VPS41: variants seen among roughly 807,000 people sequenced by gnomAD.
The protein encoded by VPS41 is VPS41 subunit of HOPS complex, also known as vacuolar protein sorting-associated protein 41 homolog.
VPS41 carries 85 observed loss-of-function variants against 130.9 expected under a neutral mutation model. The observed-to-expected ratio is 0.65, with a 90% confidence interval of 0.55 to 0.78. The LOEUF is 0.78. VPS41 is among the 30% of genes least tolerant of loss of function. The pLI is 0.00. For missense variants in VPS41, 874 were observed against 1,018.7 expected (o/e 0.86, Z 1.93); for synonymous variants, 335 against 332.9 (o/e 1.01, Z -0.07).
chr7:38,870,066 G>A (rs1432904650), intron 2 of VPS41, among the ~76,000 whole-genome samples: 3 of 152,142 alleles, frequency 2.0e-5, no homozygotes, highest in Non-Finnish European at 4.4e-5. Context: ...TACTAATTCT[G>A]GGTGTAGGAC....
chr7:38,901,855 A>G (rs2116452827), intron 1 of VPS41, among the ~76,000 whole-genome samples: 1 of 152,300 alleles, frequency 6.6e-6, no homozygotes, highest in Admixed American at 6.5e-5. Flanking sequence ...CAACACAGAA[A>G]GATCCTGTCT....
chr7:38,831,835 T>C (rs1005508140), intron 4 of VPS41, among the ~76,000 whole-genome samples: 1 of 152,206 alleles, frequency 6.6e-6, no homozygotes, highest in Non-Finnish European at 1.5e-5. Context: ...TGTCACACAA[T>C]AGCATTCCAA....
intron 2 of VPS41, 100 bp downstream of exon 2, chr7:38,897,991 A>C (rs1370436968): frequency 5.5e-6 from 6 of 1,099,848 alleles, no homozygotes; most frequent in Non-Finnish European, 6.9e-6. Context: ...CCTGCTTTAC[A>C]CCCTCAGCCC....
chr7:38,810,685 A>G (rs558660593), intron 7 of VPS41, among the ~76,000 whole-genome samples: 21 of 152,218 alleles, frequency 1.4e-4, no homozygotes, highest in African/African-American at 4.6e-4. Context: ...TCCACATTAC[A>G]CCTTCATTTG....
At chr7:38,825,695 A>T (rs1785259434) in intron 5 of VPS41, among the ~76,000 whole-genome samples, 1 of 152,220 alleles carries the variant, frequency 6.6e-6, no homozygotes, top group African/African-American at 2.4e-5. Context: ...CATAGAACCA[A>T]GCTCCTGCAA....
Position 38,827,740 on chromosome 7 carries a change from T to C in VPS41, c.321+2514A>G, listed in dbSNP as rs547510969. On this transcript the variant is annotated intron_variant, in intron 5 of 28. Coordinates refer to ENST00000310301, the MANE Select transcript of VPS41 (RefSeq NM_014396.4). ...CTAAGCGATATTGCCTTCAGCTTTA[T>C]ATTACTGAATTTCTTTGAAGAAATG... is the stretch of plus-strand genomic sequence containing the variant. Among the ~76,000 whole-genome samples, 334 of 152,332 alleles carry C rather than the reference T, an allele frequency of 2.2e-3. 3 individuals carry two copies. Among genetic ancestry groups the C allele is most frequent in the Non-Finnish European group, 2.2e-3 (153 of 68,030 alleles).
At chr7:38,860,732 TGTGTGTGTGTGG>T (rs1786088918) in intron 4 of VPS41, among the ~76,000 whole-genome samples, 1 of 120,996 alleles carries the variant, frequency 8.3e-6, no homozygotes, top group African/African-American at 2.8e-5. Flanking sequence ...TGTGTGTGTG[TGTGTGTGTGTGG>T]ACATACGCAT....
Position 38,765,662 on chromosome 7 carries a change from C to G in VPS41, c.1248-1G>C. The G allele has an allele frequency of 6.3e-7, 1 of 1,591,640 alleles. No individual in the cohort carries two copies. The highest frequency in any genetic ancestry group is 1.2e-5 in the South Asian group (1 of 85,748). On this transcript the variant is annotated splice_acceptor_variant, in intron 15 of 28. Transcript: ENST00000310301. LOFTEE classifies it high-confidence loss of function. The stretch of plus-strand genomic sequence containing the variant: ...TTTCCCAAGAATTTTCTGGCATTTG[C>G]TGGCAGTAAAAACATCCCAGGCAGA...
At chr7:38,894,460 G>C (rs992917447) in intron 2 of VPS41, among the ~76,000 whole-genome samples, 1 of 150,136 alleles carries the variant, frequency 6.7e-6, no homozygotes, top group Non-Finnish European at 1.5e-5. Context: ...GGGTTGGGGG[G>C]AAGTGGGGGA....
intron 1 of VPS41, among the ~76,000 whole-genome samples, chr7:38,900,866 G>T (rs1339247579): frequency 6.6e-6 from 1 of 152,162 alleles, no homozygotes; most frequent in Non-Finnish European, 1.5e-5. Context: ...CAAGAATTAG[G>T]CTGGTCTGTT....
At chr7:38,762,917 C>A (rs1026496106) in intron 17 of VPS41, among the ~76,000 whole-genome samples, 1 of 152,026 alleles carries the variant, frequency 6.6e-6, no homozygotes, top group African/African-American at 2.4e-5. Context: ...GATATGAAAT[C>A]AACAGGGTAA....
chr7:38,728,963 A>T (rs1452663041), intron 25 of VPS41, among the ~76,000 whole-genome samples, 172 bp from the exon 26 acceptor site: 1 of 152,100 alleles, frequency 6.6e-6, no homozygotes, highest in Non-Finnish European at 1.5e-5. Flanking sequence ...TGCCAGGCTG[A>T]CCTGGCCAGC....
intron 22 of VPS41, among the ~76,000 whole-genome samples, chr7:38,746,849 C>T (rs991625539): frequency 7.2e-5 from 11 of 152,256 alleles, no homozygotes; most frequent in African/African-American, 2.6e-4. Flanking sequence ...CTTCCCTTAC[C>T]CTGACTCTCC....
Position 38,837,149 on chromosome 7 carries a change from T to C in VPS41, c.247-6821A>G, listed in dbSNP as rs141032707. On this transcript the variant is annotated intron_variant, in intron 4 of 28. Transcript: ENST00000310301. The stretch of plus-strand genomic sequence containing the variant: ...GCCCTTGCCCTTGGCTTCTGTGTAA[T>C]AGACAGGAACATCTTAGGTTAAAGG... 4.0e-5 allele frequency among the ~76,000 whole-genome samples: 6 copies of C among 150,312 alleles called. No homozygotes were observed. In the East Asian group the frequency reaches 5.8e-4, roughly 15 times the overall value.
rs144752897 is a variant in VPS41, at chr7:38,763,465, C to T, written c.1412G>A (p.Ser471Asn). 6.2e-7 allele frequency: 1 copy of T among 1,600,242 alleles called. No homozygotes were observed. The highest frequency in any genetic ancestry group is 8.5e-7 in the Non-Finnish European group (1 of 1,174,346). The change falls in exon 17 of 29, where the codon AGT (serine) becomes AAT (asparagine). Residue 471 changes from serine (S) to asparagine (N), a missense_variant. Ser to Asn is a conservative substitution (Grantham distance 46). Transcript: ENST00000310301. Reference protein sequence around the residue: ...YEMILHEFLESDYEGFATLIR... With the variant: ...YEMILHEFLENDYEGFATLIR... The stretch of plus-strand genomic sequence containing the variant: ...ATCAGAACACCATACCTCATAATCA[C>T]TCTCCAAAAATTCATGTAAGATCAT...
chr7:38,813,382 A>C (rs1339732804), intron 7 of VPS41, among the ~76,000 whole-genome samples: 3 of 152,254 alleles, frequency 2.0e-5, no homozygotes, highest in African/African-American at 7.2e-5. Context: ...GAAGATGGGG[A>C]GTGACTGCTA....
intron 22 of VPS41, among the ~76,000 whole-genome samples, chr7:38,748,784 T>C (rs1378466854): frequency 2.0e-5 from 3 of 152,040 alleles, no homozygotes; most frequent in Admixed American, 2.0e-4. Context: ...CTGAAAATGA[T>C]TCCCCAACAT....
At chr7:38,782,620 G>A (rs1164746970) in intron 10 of VPS41, among the ~76,000 whole-genome samples, 1 of 152,162 alleles carries the variant, frequency 6.6e-6, no homozygotes, top group Non-Finnish European at 1.5e-5. Flanking sequence ...TGTTATACAT[G>A]TTTTAATACA....
In VPS41 at chr7:38,816,536, T is replaced by C. The variant is rs537060071; in HGVS notation, c.450+1281A>G. 4.6e-5 allele frequency among the ~76,000 whole-genome samples: 7 copies of C among 152,344 alleles called. No individual in the cohort carries two copies. In the South Asian group the frequency reaches 1.2e-3, roughly 27 times the overall value. ...TAGCTATAGACTACTTCCTTTTCACTGGCTCCAAACCGAATAGTAAATAAT... is the reference window on the plus strand; with the variant it reads ...TAGCTATAGACTACTTCCTTTTCACCGGCTCCAAACCGAATAGTAAATAAT... On this transcript the variant is annotated intron_variant, in intron 7 of 28. Coordinates refer to ENST00000310301, the MANE Select transcript of VPS41 (RefSeq NM_014396.4).
Sources: gnomAD v4.1 joint callset for allele counts (sites outside exome capture counted in the v4.1 genomes callset) on GRCh38, gnomAD v4.1.1 for gene constraint, MANE v1.5 for transcripts, NCBI Gene and HGNC (gene_info 2026-07-23, HGNC 2026-07-21) for gene names.